The following CCDC85C variants were observed in gnomAD, a reference collection of about 807,000 sequenced individuals.
CCDC85C encodes the protein coiled-coil domain-containing protein 85C.
A neutral mutation model predicts 38.3 loss-of-function variants in CCDC85C; 18 were observed. That is an observed-to-expected ratio of 0.47 (90% CI 0.33 to 0.70). The LOEUF (loss-of-function observed/expected upper bound fraction) is 0.70, where lower values mean the gene tolerates loss of function less well. Ranked by LOEUF, CCDC85C falls within the 30% of genes least tolerant of loss-of-function variation. The pLI, the probability that CCDC85C is intolerant of heterozygous loss-of-function variation, is 0.03. For synonymous variants in CCDC85C, 264 were observed against 293.8 expected, an observed-to-expected ratio of 0.90 and a Z score of 1.04; for missense variants, 566 against 621.2, an observed-to-expected ratio of 0.91 and a Z score of 0.94.
chr14:99,590,798 C>T (rs924272219), intron 1 of CCDC85C, among the ~76,000 whole-genome samples: 5 of 152,296 alleles, frequency 3.3e-5, no homozygotes, highest in African/African-American at 1.2e-4. Context: ...TGTAATCACA[C>T]TGATGCCACC....
chr14:99,535,105 G>C lies in CCDC85C; in HGVS notation c.867+910C>G, dbSNP rs545433558. 2.2e-4 allele frequency: 42 copies of C among 192,418 alleles called. No homozygotes were observed. Among genetic ancestry groups the C allele is most frequent in the South Asian group, 1.6e-3 (15 of 9,448 alleles). The allele number at this position is 192,418 out of a possible 1,614,324, so 11.9% of individuals were successfully genotyped here. ...CAGCAGCCGCCCAGTGGGCAGAGAG[G>C]GTGCCGTGGAATTCCTGAGCTGGGC... is the stretch of plus-strand genomic sequence containing the variant. On this transcript the variant is annotated intron_variant, in intron 2 of 5. Transcript: ENST00000380243. This position sits in a 1 kb window ranked among gnomAD's most constrained non-coding sequence, Gnocchi z 5.5.
chr14:99,549,514 T>G (rs558137508), intron 1 of CCDC85C, among the ~76,000 whole-genome samples: 2 of 152,254 alleles, frequency 1.3e-5, no homozygotes, highest in East Asian at 3.9e-4. Context: ...TGCCCCAACC[T>G]GCTCTGTGAC....
intron 1 of CCDC85C, among the ~76,000 whole-genome samples, chr14:99,593,790 C>T (rs1447736852): frequency 2.0e-5 from 3 of 152,252 alleles, no homozygotes. Context: ...CCAGCAGAAC[C>T]TCCAGAGCCT....
rs986385393 is a variant in CCDC85C at position 99,539,869 on chromosome 14, G to C, written c.794-3781C>G. Among the ~76,000 whole-genome samples the C allele has an allele frequency of 2.5e-4, 38 of 152,148 alleles. 2 individuals carry two copies. The highest frequency in any genetic ancestry group is 8.2e-4 in the African/African-American group (34 of 41,434). On this transcript the variant is annotated intron_variant, in intron 1 of 5. Transcript: ENST00000380243. ...CTTCTTTCAGAAAAAAAGAATGGCC[G>C]GGCGCGGTGGCTCATGCCTGTAATC...
At position 99,553,117 on chromosome 14, in the gene CCDC85C, C is replaced by G. The variant is rs146513472; in HGVS notation, c.794-17029G>C. 1.3e-5 allele frequency among the ~76,000 whole-genome samples: 2 copies of G among 152,176 alleles called. 1 individual carries two copies. The highest frequency in any genetic ancestry group is 1.3e-4 in the Admixed American group (2 of 15,286). Reference sequence around the variant, plus strand: ...GTCTCACATCACAGCTGTGTGACCTCGCACCAGTGACTGACCGTCTCTGAG... The same window carrying G: ...GTCTCACATCACAGCTGTGTGACCTGGCACCAGTGACTGACCGTCTCTGAG... On this transcript the variant is annotated intron_variant, in intron 1 of 5. Transcript: ENST00000380243.
rs1038834353 is a variant in CCDC85C at position 99,511,447 on chromosome 14, T to C, written c.*3799A>G. Reference sequence around the variant, plus strand: ...TAAGTGTGAATGTAACAACATACTGTGAATTCCATCTTGGTTACAAATGAG... The same window carrying C: ...TAAGTGTGAATGTAACAACATACTGCGAATTCCATCTTGGTTACAAATGAG... On this transcript the variant is annotated 3_prime_UTR_variant, in exon 6 of 6. Coordinates refer to ENST00000380243, the MANE Select transcript of CCDC85C (RefSeq NM_001144995.2). 5.9e-5 allele frequency: 9 copies of C among 152,550 alleles called. No individual in the cohort carries two copies. Among genetic ancestry groups the C allele is most frequent in the African/African-American group, 1.7e-4 (7 of 41,464 alleles). 9.4% of individuals were successfully genotyped at this position (152,550 alleles called of 1,614,324 possible).
intron 1 of CCDC85C, among the ~76,000 whole-genome samples, chr14:99,538,734 C>T (rs1223630057): frequency 6.6e-6 from 1 of 152,246 alleles, no homozygotes; most frequent in Non-Finnish European, 1.5e-5. Flanking sequence ...GCTGGGTGAC[C>T]CTTCTCCTGT....
intron 1 of CCDC85C, among the ~76,000 whole-genome samples, chr14:99,577,173 T>C (rs1002382909): frequency 6.6e-6 from 1 of 151,820 alleles, no homozygotes; most frequent in African/African-American, 2.4e-5. Context: ...TCACTCCCCC[T>C]TCCCAGGCAG....
Position 99,536,019 on chromosome 14 carries a change from G to T in CCDC85C, c.863C>A (p.Ala288Glu). ...VRLLEGDKLLAQQAGSGEFRT... is the reference protein window; with the variant it reads ...VRLLEGDKLLEQQAGSGEFRT... ...CGCCACCCGAAGCCGGCCTACCTGT[G>T]CGAGGAGCTTGTCACCCTCCAGCAG... The change falls in exon 2 of 6, where the codon GCA (alanine) becomes GAA (glutamate). Residue 288 changes from alanine (A) to glutamate (E), a missense_variant. Transcript: ENST00000380243. The T allele has an allele frequency of 6.4e-7, 1 of 1,551,240 alleles. No individual in the cohort carries two copies. Among genetic ancestry groups the T allele is most frequent in the Non-Finnish European group, 8.7e-7 (1 of 1,146,716 alleles).
chr14:99,551,643 G>T (rs192971076), intron 1 of CCDC85C, among the ~76,000 whole-genome samples: 2 of 148,092 alleles, frequency 1.4e-5, no homozygotes, highest in Non-Finnish European at 3.0e-5. Context: ...TGGGTGAGAG[G>T]TGAGTGTGCA....
At chr14:99,521,029 GCTTGCACAGCACTT>G (rs1461529525) in intron 3 of CCDC85C, among the ~76,000 whole-genome samples, 2 of 152,222 alleles carry the variant, frequency 1.3e-5, no homozygotes, top group Non-Finnish European at 2.9e-5. Context: ...TGAGAGCTGT[GCTTGCACAGCACTT>G]CCCAACCTGC....
chr14:99,572,613 A>C lies in CCDC85C; in HGVS notation c.793+30554T>G, dbSNP rs1595094047. Reference sequence around the variant, plus strand: ...CTCTGACATCTGTCCTTTGCTGGAAACCTTCCAGGGACGACAGCTGCTTAT... The same window carrying C: ...CTCTGACATCTGTCCTTTGCTGGAACCCTTCCAGGGACGACAGCTGCTTAT... On this transcript the variant is annotated intron_variant, in intron 1 of 5. Coordinates refer to ENST00000380243, the MANE Select transcript of CCDC85C (RefSeq NM_001144995.2). This position sits in a 1 kb window ranked among gnomAD's most constrained non-coding sequence, Gnocchi z 4.4. The C allele has an allele frequency of 6.6e-6, 3 of 451,224 alleles. No individual in the cohort carries two copies. Among genetic ancestry groups the C allele is most frequent in the South Asian group, 4.7e-5 (3 of 64,122 alleles). The allele number at this position is 451,224 out of a possible 1,614,324, so 28.0% of individuals were successfully genotyped here.
intron 1 of CCDC85C, among the ~76,000 whole-genome samples, chr14:99,568,250 ATTTT>A (rs3070390): frequency 7.9e-6 from 1 of 126,928 alleles, no homozygotes; most frequent in Non-Finnish European, 1.6e-5. Flanking sequence ...CCTGCCCTTT[ATTTT>A]TTTTTTTTTT....
At chr14:99,578,437 A>G (rs2054926436) in intron 1 of CCDC85C, among the ~76,000 whole-genome samples, 1 of 151,924 alleles carries the variant, frequency 6.6e-6, no homozygotes, top group African/African-American at 2.4e-5. Context: ...GCCCACACCT[A>G]TGTTCCCCGT....
chr14:99,529,007 G>A (rs970660618), intron 2 of CCDC85C, among the ~76,000 whole-genome samples: 3 of 151,614 alleles, frequency 2.0e-5, no homozygotes, highest in African/African-American at 4.9e-5. Context: ...AAAGTTGATA[G>A]GGAAAAAAAA....
chr14:99,537,694 A>T (rs981060223), intron 1 of CCDC85C, among the ~76,000 whole-genome samples: 4 of 152,186 alleles, frequency 2.6e-5, no homozygotes, highest in African/African-American at 7.2e-5. Context: ...CCTGCCAGGC[A>T]GACCACCCCT....
At chr14:99,586,789 G>A (rs1271098480) in intron 1 of CCDC85C, among the ~76,000 whole-genome samples, 1 of 152,062 alleles carries the variant, frequency 6.6e-6, no homozygotes, top group Admixed American at 6.5e-5. Flanking sequence ...ACTCTGCTCT[G>A]CCGGCCGCCC....
In CCDC85C at chr14:99,548,624, G is replaced by A. The variant is rs374045808; in HGVS notation, c.794-12536C>T. Among the ~76,000 whole-genome samples the A allele has an allele frequency of 6.6e-6, 1 of 151,614 alleles. No homozygotes were observed. The highest frequency in any genetic ancestry group is 2.0e-4 in the East Asian group (1 of 5,128). On this transcript the variant is annotated intron_variant, in intron 1 of 5. Coordinates refer to ENST00000380243, the MANE Select transcript of CCDC85C (RefSeq NM_001144995.2). The surrounding 1 kb of genome is among the most constrained non-coding windows in gnomAD (Gnocchi z 4.9). ...TCCCCAGGAGACCAGACAAATTGTC[G>A]TTTAACCCAACAATGAAATACTGTA... is the stretch of plus-strand genomic sequence containing the variant.
intron 1 of CCDC85C, among the ~76,000 whole-genome samples, chr14:99,595,734 G>A (rs2055136056): frequency 6.6e-6 from 1 of 152,214 alleles, no homozygotes; most frequent in Admixed American, 6.5e-5. Flanking sequence ...ACAGGCTCCG[G>A]GTTCAACTGG....
Sources: allele counts gnomAD v4.1 joint callset (sites outside exome capture counted in the v4.1 genomes callset), GRCh38; gene constraint gnomAD v4.1.1; non-coding constraint Gnocchi (gnomAD v3.1); transcripts MANE v1.5; gene names NCBI Gene and HGNC (gene_info 2026-07-23, HGNC 2026-07-21).